EPHA5: variants seen among roughly 807,000 people sequenced by gnomAD.
EPHA5 encodes the protein ephrin type-A receptor 5.
Under a neutral mutation model 105.0 loss-of-function variants are expected in EPHA5, and 60 were observed. The observed-to-expected ratio is 0.57, with a 90% CI of 0.46 to 0.71. The LOEUF (loss-of-function observed/expected upper bound fraction) is 0.71. EPHA5 is among the 30% of genes least tolerant of loss of function. The pLI, the probability that EPHA5 is intolerant of heterozygous loss-of-function variation, is 0.00. For synonymous variants in EPHA5, 513 were observed against 449.1 expected, an observed-to-expected ratio of 1.14 and a Z score of -1.80; for missense variants, 1,218 against 1,274.7, an observed-to-expected ratio of 0.96 and a Z score of 0.68.
At chr4:65,637,569 CATATATATATATAT>C (rs34456844) in intron 2 of EPHA5, among the ~76,000 whole-genome samples, 7 of 112,438 alleles carry the variant, frequency 6.2e-5, no homozygotes, top group East Asian at 4.7e-4. Flanking sequence ...ATGAGTTTTG[CATATATATATATAT>C]ATATATATAT....
intron 3 of EPHA5, among the ~76,000 whole-genome samples, chr4:65,567,515 A>G (rs896973647): frequency 6.6e-6 from 1 of 151,622 alleles, no homozygotes; most frequent in Non-Finnish European, 1.5e-5. Context: ...CTGACAAGAA[A>G]GAAAAGTAAA....
chr4:65,393,609 A>G (rs1195429734), intron 8 of EPHA5, among the ~76,000 whole-genome samples: 3 of 152,184 alleles, frequency 2.0e-5, no homozygotes, highest in African/African-American at 7.2e-5. Flanking sequence ...TTTAAATACC[A>G]TATTTGTTCA....
intron 3 of EPHA5, among the ~76,000 whole-genome samples, chr4:65,570,257 T>A (rs1317792781): frequency 1.3e-5 from 2 of 151,930 alleles, no homozygotes; most frequent in African/African-American, 2.4e-5. Flanking sequence ...TACTGTATTA[T>A]AATCCAGAAA....
At chr4:65,402,377 T>C (rs1721928326) in intron 8 of EPHA5, among the ~76,000 whole-genome samples, 2 of 152,116 alleles carry the variant, frequency 1.3e-5, no homozygotes, top group Admixed American at 1.3e-4. Flanking sequence ...TATCCTTCGG[T>C]TACCAAATAG....
intron 5 of EPHA5, among the ~76,000 whole-genome samples, chr4:65,424,303 T>A (rs552634454): frequency 3.5e-4 from 53 of 152,168 alleles, no homozygotes; most frequent in African/African-American, 1.2e-3. Context: ...AGAAACCTAG[T>A]TTAAGGCACA....
chr4:65,491,750 C>T (rs536889289), intron 4 of EPHA5, among the ~76,000 whole-genome samples: 50 of 151,894 alleles, frequency 3.3e-4, no homozygotes, highest in African/African-American at 1.1e-3. Flanking sequence ...ATCAGAATTG[C>T]TTTATGAATT....
At chr4:65,404,771 G>C (rs1250377263) in intron 7 of EPHA5, among the ~76,000 whole-genome samples, 1 of 152,040 alleles carries the variant, frequency 6.6e-6, no homozygotes, top group Non-Finnish European at 1.5e-5. Context: ...AGGGGCCTTA[G>C]GTCTGTGAAT....
Position 65,411,100 on chromosome 4 carries a change from T to A in EPHA5, c.1687+3184A>T, listed in dbSNP as rs555444099. 6.6e-5 allele frequency among the ~76,000 whole-genome samples: 10 copies of A among 152,178 alleles called. No individual in the cohort carries two copies. In the East Asian group the frequency reaches 1.9e-3, roughly 29 times the overall value. On this transcript the variant is annotated intron_variant, in intron 7 of 16. Coordinates refer to ENST00000613740, the MANE Select transcript of EPHA5 (RefSeq NM_001281766.3). ...TGGGGGTAATGTAAAAAATCAATTT[T>A]AAATATATTATTTTTATGCATGATA...
intron 3 of EPHA5, among the ~76,000 whole-genome samples, chr4:65,559,522 C>T (rs947996429): frequency 6.6e-6 from 1 of 152,120 alleles, no homozygotes; most frequent in Admixed American, 6.6e-5. Flanking sequence ...CCAACAGCAA[C>T]TTTGAGGTTT....
At chr4:65,509,402 G>A (rs982871348) in intron 3 of EPHA5, among the ~76,000 whole-genome samples, 10 of 152,024 alleles carry the variant, frequency 6.6e-5, no homozygotes, top group Non-Finnish European at 1.5e-4. Flanking sequence ...TTGTGTCCTA[G>A]CTATCTGGGG....
chr4:65,446,597 A>T (rs73222119), intron 5 of EPHA5, among the ~76,000 whole-genome samples: 23,624 of 152,222 alleles, frequency 0.16, 1,990 homozygotes, highest in East Asian at 0.19. Context: ...GAATCAGGCA[A>T]GTCTACTAAA....
Position 65,670,410 on chromosome 4 carries a change from CGCTGCTCGGG to C in EPHA5, c.-678_-669del. ...GCGGCCCAGGAGCTGCTGCGGTTCC[CGCTGCTCGGG>C]GAGCAGGCGGTGTGTGCGCGGCTGC... On this transcript the variant is annotated 5_prime_UTR_variant, in exon 1 of 17. Transcript: ENST00000613740. 8.6e-6 allele frequency: 2 copies of C among 233,606 alleles called. No homozygotes were observed. Among genetic ancestry groups the C allele is most frequent in the Non-Finnish European group, 1.7e-5 (2 of 118,362 alleles). The allele number at this position is 233,606 out of a possible 1,614,324, so 14.5% of individuals were successfully genotyped here.
At chr4:65,435,475 T>G (rs950140480) in intron 5 of EPHA5, among the ~76,000 whole-genome samples, 1 of 152,156 alleles carries the variant, frequency 6.6e-6, no homozygotes, top group Non-Finnish European at 1.5e-5. Context: ...CAAGCTTTGA[T>G]ACTGATTCTC....
chr4:65,661,765 C>T (rs1036190656), intron 1 of EPHA5, among the ~76,000 whole-genome samples: 4 of 152,108 alleles, frequency 2.6e-5, no homozygotes, highest in Non-Finnish European at 4.4e-5. Context: ...GATCTGCCTA[C>T]TGAGTTTGCC....
At chr4:65,501,945 C>T (rs1732530225) in intron 3 of EPHA5, among the ~76,000 whole-genome samples, 1 of 151,520 alleles carries the variant, frequency 6.6e-6, no homozygotes, top group African/African-American at 2.4e-5. Context: ...CAGAATAAAA[C>T]TGCACACCTA....
chr4:65,368,944 TC>T (rs1289855843), intron 8 of EPHA5, among the ~76,000 whole-genome samples: 3 of 152,162 alleles, frequency 2.0e-5, no homozygotes, highest in Admixed American at 2.0e-4. Flanking sequence ...TTCACGTTTT[TC>T]CCAATACTTA....
At chr4:65,454,079 G>A (rs1465494185) in intron 5 of EPHA5, among the ~76,000 whole-genome samples, 2 of 152,016 alleles carry the variant, frequency 1.3e-5, no homozygotes, top group East Asian at 1.9e-4. Context: ...TTGGGAGTTC[G>A]AAACCAGCCT....
At chr4:65,413,429 C>A in intron 7 of EPHA5, among the ~76,000 whole-genome samples, 1 of 151,972 alleles carries the variant, frequency 6.6e-6, no homozygotes, top group East Asian at 1.9e-4. Flanking sequence ...TAGTTTTATT[C>A]ACATTTTAAT....
At chr4:65,446,253 T>C (rs188381147) in intron 5 of EPHA5, among the ~76,000 whole-genome samples, 396 of 152,346 alleles carry the variant, frequency 2.6e-3, no homozygotes, top group African/African-American at 9.1e-3. Context: ...TGTCTTAGTA[T>C]GAATAACTTT....
Sources: allele counts gnomAD v4.1 joint callset (sites outside exome capture counted in the v4.1 genomes callset), GRCh38; gene constraint gnomAD v4.1.1; transcripts MANE v1.5; gene names NCBI Gene and HGNC (gene_info 2026-07-23, HGNC 2026-07-21).